ADAMTS6: variants seen among roughly 807,000 people sequenced by gnomAD.
ADAMTS6 encodes the protein ADAM metallopeptidase with thrombospondin type 1 motif 6, also known as A disintegrin and metalloproteinase with thrombospondin motifs 6.
In ADAMTS6, 23 loss-of-function variants were observed where a neutral mutation model predicts 144.3. That is an observed-to-expected ratio of 0.16 (90% CI 0.11 to 0.23). ADAMTS6 has a LOEUF of 0.23. Among genes scored for constraint, ADAMTS6 ranks in the 10% least tolerant of loss-of-function variants. The pLI is 1.00. For synonymous variants in ADAMTS6, 444 were observed against 457.5 expected, an observed-to-expected ratio of 0.97 and a Z score of 0.38; for missense variants, 999 against 1,379.6, an observed-to-expected ratio of 0.72 and a Z score of 4.37.
intron 7 of ADAMTS6, among the ~76,000 whole-genome samples, chr5:65,407,339 C>CTT (rs879407843): frequency 5.4e-5 from 8 of 147,368 alleles, no homozygotes; most frequent in East Asian, 2.0e-4. Context: ...ATTCAATGTT[C>CTT]TTTTTTTTTT....
At chr5:65,373,424 A>T (rs1475297798) in intron 7 of ADAMTS6, among the ~76,000 whole-genome samples, 2 of 151,016 alleles carry the variant, frequency 1.3e-5, no homozygotes, top group African/African-American at 2.4e-5. Context: ...GATAAAGGGG[A>T]TATCACCACC....
intron 15 of ADAMTS6, among the ~76,000 whole-genome samples, chr5:65,239,631 G>C (rs553785763): frequency 6.6e-6 from 1 of 152,240 alleles, no homozygotes; most frequent in African/African-American, 2.4e-5. Context: ...GCCACAGAAT[G>C]TGACAAAACA....
At position 65,277,446 on chromosome 5, in the gene ADAMTS6, T is replaced by A. The variant is rs76052371; in HGVS notation, c.1513-3999A>T. 5.6e-3 allele frequency among the ~76,000 whole-genome samples: 851 copies of A among 152,256 alleles called. 10 individuals carry two copies. The highest frequency in any genetic ancestry group is 0.019 in the African/African-American group (799 of 41,544). On this transcript the variant is annotated intron_variant, in intron 11 of 24. Transcript: ENST00000381055. Reference sequence around the variant, plus strand: ...ATGTCAATGTGAACAGGTGCTTGCTTTATTTCGTTTTGAGGTCTCACTGCA... The same window carrying A: ...ATGTCAATGTGAACAGGTGCTTGCTATATTTCGTTTTGAGGTCTCACTGCA...
intron 2 of ADAMTS6, 33 bp downstream of exon 2, chr5:65,473,544 A>C: frequency 5.3e-6 from 8 of 1,521,266 alleles, no homozygotes; most frequent in Non-Finnish European, 6.2e-6. Context: ...TAATAGCAAT[A>C]TTTTTTGTCA....
intron 3 of ADAMTS6, among the ~76,000 whole-genome samples, chr5:65,468,173 A>C (rs1760168287): frequency 6.6e-6 from 1 of 152,174 alleles, no homozygotes; most frequent in Admixed American, 6.5e-5. Context: ...TGAATGGTGC[A>C]AGAGTCCCAG....
chr5:65,162,640 C>CACACAT (rs1310185338), intron 24 of ADAMTS6, among the ~76,000 whole-genome samples: 2 of 151,592 alleles, frequency 1.3e-5, no homozygotes, highest in African/African-American at 4.9e-5. Context: ...CACACACACA[C>CACACAT]ACACACACAC....
chr5:65,291,226 G>T, intron 11 of ADAMTS6, 103 bp downstream of exon 11: 1 of 1,341,548 alleles, frequency 7.5e-7, no homozygotes, highest in East Asian at 2.4e-5. Context: ...TTAAATTAAA[G>T]ATATTACTAG....
intron 9 of ADAMTS6, among the ~76,000 whole-genome samples, chr5:65,321,897 G>T (rs745450904): frequency 2.6e-5 from 4 of 151,508 alleles, no homozygotes; most frequent in Non-Finnish European, 5.9e-5. Flanking sequence ...TGTATTTTTA[G>T]AAGAGACGGG....
intron 21 of ADAMTS6, among the ~76,000 whole-genome samples, chr5:65,195,750 A>G (rs551229764): frequency 1.8e-4 from 27 of 152,324 alleles, no homozygotes; most frequent in Middle Eastern, 3.4e-3. Context: ...GGAACATACA[A>G]ATTCATTTGC....
In ADAMTS6 at chr5:65,430,351, T is replaced by C. The variant is rs540953929; in HGVS notation, c.1073+21124A>G. Among the ~76,000 whole-genome samples, 74 of 152,104 alleles carry C rather than the reference T, an allele frequency of 4.9e-4. 2 individuals are homozygous for C. In the South Asian group the frequency reaches 8.5e-3, roughly 17 times the overall value. On this transcript the variant is annotated intron_variant, in intron 7 of 24. Transcript: ENST00000381055. The stretch of plus-strand genomic sequence containing the variant: ...TCTGCAAAAACAGAATTAGAGAGGC[T>C]CAGTTTCAAGGACACCCAACCCAGT...
chr5:65,407,663 T>C (rs920403374), intron 7 of ADAMTS6, among the ~76,000 whole-genome samples: 2 of 152,014 alleles, frequency 1.3e-5, no homozygotes, highest in Non-Finnish European at 2.9e-5. Context: ...ACAAAGGACA[T>C]GAACTCATCA....
intron 18 of ADAMTS6, among the ~76,000 whole-genome samples, chr5:65,219,012 G>C (rs1757123016): frequency 2.0e-5 from 3 of 152,062 alleles, no homozygotes; most frequent in Admixed American, 1.3e-4. Flanking sequence ...ATTTATTAGA[G>C]ATTAAGTGGA....
intron 14 of ADAMTS6, among the ~76,000 whole-genome samples, chr5:65,255,820 G>A (rs1312614016): frequency 6.6e-6 from 1 of 151,758 alleles, no homozygotes; most frequent in Non-Finnish European, 1.5e-5. Context: ...ACCAAAAATG[G>A]AAGTCTCTCT....
At chr5:65,288,967 G>A (rs143091661) in intron 11 of ADAMTS6, among the ~76,000 whole-genome samples, 188 of 152,266 alleles carry the variant, frequency 1.2e-3, no homozygotes, top group African/African-American at 4.4e-3. Context: ...TGTGTAAACC[G>A]ACACAAGTTC....
At chr5:65,200,559 C>T (rs1755668644) in intron 20 of ADAMTS6, among the ~76,000 whole-genome samples, 1 of 152,100 alleles carries the variant, frequency 6.6e-6, no homozygotes, top group South Asian at 2.1e-4. Context: ...ATAAAATGTC[C>T]ACATGACCAG....
intron 14 of ADAMTS6, among the ~76,000 whole-genome samples, chr5:65,256,729 T>C (rs1760688961): frequency 6.6e-6 from 1 of 152,118 alleles, no homozygotes; most frequent in South Asian, 2.1e-4. Context: ...ACATATATCA[T>C]TAGGGTCTAA....
Position 65,224,370 on chromosome 5 carries a change from C to A in ADAMTS6, c.2222G>T (p.Gly741Val), listed in dbSNP as rs1375590347. The change falls in exon 18 of 25, where the codon GGC becomes GTC. Residue 741 changes from glycine (G) to valine (V), a missense_variant. Gly to Val is a moderately radical substitution (Grantham distance 109, BLOSUM62 -3). Transcript: ENST00000381055. ...GYMEVVQIPR[G>V]SVHIEVREVA... ...TTCTCTAACTTCAATGTGAACAGAGCCTCTTGGTATCTGCACCACTTCCAT... is the reference window on the plus strand; with the variant it reads ...TTCTCTAACTTCAATGTGAACAGAGACTCTTGGTATCTGCACCACTTCCAT... 1 of 1,614,000 alleles carries A rather than the reference C, an allele frequency of 6.2e-7. No homozygotes were observed. The highest frequency in any genetic ancestry group is 8.5e-7 in the Non-Finnish European group (1 of 1,180,014).
chr5:65,297,107 C>A, intron 10 of ADAMTS6: 2 of 425,404 alleles, frequency 4.7e-6, no homozygotes, highest in Non-Finnish European at 9.3e-6. Flanking sequence ...AAAGACACTA[C>A]CTGCAAAGCC....
Position 65,452,808 on chromosome 5 carries a change from T to C in ADAMTS6, c.742A>G (p.Ile248Val). The C allele has an allele frequency of 6.2e-7, 1 of 1,614,180 alleles. No individual in the cohort carries two copies. Among genetic ancestry groups the C allele is most frequent in the South Asian group, 1.1e-5 (1 of 91,086 alleles). The stretch of plus-strand genomic sequence containing the variant: ...ACCAATGTCTCCACAAACCGTTCAA[T>C]GCTCACTGATCTCTTCTGTCTGTGG... ...IHHRQKRSVS[I>V]ERFVETLVVA... is the part of the protein sequence containing the mutation. Residue 248 changes from isoleucine (I) to valine (V), a missense_variant, in exon 5 of 25, where the codon ATT becomes GTT. Transcript: ENST00000381055.
Sources: allele counts gnomAD v4.1 joint callset (sites outside exome capture counted in the v4.1 genomes callset), GRCh38; gene constraint gnomAD v4.1.1; transcripts MANE v1.5; gene names NCBI Gene and HGNC (gene_info 2026-07-23, HGNC 2026-07-21).